Variants in VPS13B observed in about 807,000 individuals in gnomAD.
The protein encoded by VPS13B is intermembrane lipid transfer protein VPS13B.
A neutral mutation model predicts 426.4 loss-of-function variants in VPS13B; 285 were observed. That is an observed-to-expected ratio of 0.67 (90% CI 0.61 to 0.74). The LOEUF is 0.74. Ranked by LOEUF, VPS13B falls within the 30% of genes least tolerant of loss-of-function variation. The pLI is 0.00. For synonymous variants in VPS13B, 1,676 were observed against 1,676.4 expected, an observed-to-expected ratio of 1.00 and a Z score of 0.01; for missense variants, 4,537 against 4,782.6, an observed-to-expected ratio of 0.95 and a Z score of 1.51.
intron 25 of VPS13B, among the ~76,000 whole-genome samples, chr8:99,486,176 C>G (rs1820298441): frequency 6.6e-6 from 1 of 151,540 alleles, no homozygotes; most frequent in African/African-American, 2.4e-5. Context: ...TTTGTCTTAT[C>G]ATATAAGTAG....
chr8:99,702,991 TTA>T (rs1253167775), intron 36 of VPS13B, among the ~76,000 whole-genome samples: 1 of 152,142 alleles, frequency 6.6e-6, no homozygotes, highest in Non-Finnish European at 1.5e-5. Flanking sequence ...CACCTAATGA[TTA>T]TATGTTTTTA....
At chr8:99,565,308 T>C (rs1437167713) in intron 31 of VPS13B, among the ~76,000 whole-genome samples, 1 of 152,118 alleles carries the variant, frequency 6.6e-6, no homozygotes, top group African/African-American at 2.4e-5. Flanking sequence ...TACAGCATAT[T>C]TGTTTGTTAA....
At chr8:99,712,974 T>G (rs961596638) in intron 36 of VPS13B, among the ~76,000 whole-genome samples, 5 of 152,170 alleles carry the variant, frequency 3.3e-5, no homozygotes, top group African/African-American at 1.2e-4. Flanking sequence ...ACTTTGCAAG[T>G]GATATGCATC....
At chr8:99,311,321 C>T (rs970531204) in intron 19 of VPS13B, among the ~76,000 whole-genome samples, 1 of 152,158 alleles carries the variant, frequency 6.6e-6, no homozygotes, top group African/African-American at 2.4e-5. Flanking sequence ...CTATAAATTT[C>T]CCTCTACACA....
At chr8:99,314,245 G>T (rs181463896) in intron 19 of VPS13B, among the ~76,000 whole-genome samples, 10 of 152,024 alleles carry the variant, frequency 6.6e-5, no homozygotes, top group African/African-American at 2.2e-4. Flanking sequence ...GAAATCACCC[G>T]TCTTCTGCGT....
intron 15 of VPS13B, among the ~76,000 whole-genome samples, chr8:99,167,787 T>C (rs1812097528): frequency 1.3e-5 from 2 of 152,148 alleles, no homozygotes; most frequent in Non-Finnish European, 2.9e-5. Flanking sequence ...AGTTCTCTTA[T>C]TCAACTTTAC....
At chr8:99,475,515 A>G (rs1819644627) in intron 24 of VPS13B, among the ~76,000 whole-genome samples, 1 of 152,178 alleles carries the variant, frequency 6.6e-6, no homozygotes, top group African/African-American at 2.4e-5. Flanking sequence ...ATATTTTTAA[A>G]ATTTTCTTTA....
chr8:99,539,259 C>G (rs1823423378), intron 30 of VPS13B, among the ~76,000 whole-genome samples: 2 of 152,082 alleles, frequency 1.3e-5, no homozygotes, highest in East Asian at 3.9e-4. Flanking sequence ...TCTGCACATT[C>G]TTTTGCATTA....
intron 35 of VPS13B, among the ~76,000 whole-genome samples, chr8:99,698,402 G>GC (rs1832122694): frequency 6.6e-6 from 1 of 152,142 alleles, no homozygotes; most frequent in African/African-American, 2.4e-5. Context: ...TGTCAGCTGC[G>GC]CCCACCCTCA....
intron 35 of VPS13B, among the ~76,000 whole-genome samples, chr8:99,679,026 G>C (rs1831052573): frequency 6.6e-6 from 1 of 152,136 alleles, no homozygotes; most frequent in Admixed American, 6.6e-5. Context: ...AAACCTTGCT[G>C]TTTTCTTAGT....
At chr8:99,055,044 G>GTTTTTTTTTTTTTTT (rs397779213) in intron 3 of VPS13B, among the ~76,000 whole-genome samples, 1 of 141,882 alleles carries the variant, frequency 7.0e-6, no homozygotes, top group Non-Finnish European at 1.5e-5. Context: ...TTTTTTTTTT[G>GTTTTTTTTTTTTTTT]TTTTTTTTTT....
intron 3 of VPS13B, among the ~76,000 whole-genome samples, chr8:99,094,237 T>G (rs1425007562): frequency 6.6e-6 from 1 of 152,184 alleles, no homozygotes; most frequent in East Asian, 1.9e-4. Flanking sequence ...ATGAACATGT[T>G]TTACTTCTGG....
In VPS13B at chr8:99,815,930, C is replaced by T. The variant is rs553066578; in HGVS notation, c.8098-1610C>T. 5.9e-5 allele frequency among the ~76,000 whole-genome samples: 9 copies of T among 152,268 alleles called. No homozygotes were observed. The South Asian group carries it at 1.9e-3, about 32-fold the overall frequency. ...CACTGCAGCCTTGAACTCCTGGGCT[C>T]GAGTGATACTCCTGCCTCAGCCTCC... On this transcript the variant is annotated intron_variant, in intron 44 of 61. Coordinates refer to ENST00000357162, the MANE Select transcript of VPS13B (RefSeq NM_152564.5).
At chr8:99,550,516 A>G (rs984514887) in intron 30 of VPS13B, among the ~76,000 whole-genome samples, 2 of 151,224 alleles carry the variant, frequency 1.3e-5, no homozygotes, top group African/African-American at 2.4e-5. Flanking sequence ...TGCGAATAGT[A>G]TATTTTGCCT....
intron 33 of VPS13B, among the ~76,000 whole-genome samples, chr8:99,616,177 C>T (rs1257633408): frequency 3.3e-5 from 5 of 152,038 alleles, no homozygotes; most frequent in South Asian, 4.2e-4. Context: ...ACCATTTTGG[C>T]AGGGAGAGGG....
intron 17 of VPS13B, among the ~76,000 whole-genome samples, chr8:99,205,412 G>A (rs1335210680): frequency 6.6e-6 from 1 of 152,140 alleles, no homozygotes; most frequent in African/African-American, 2.4e-5. Flanking sequence ...TAGATGACGG[G>A]TTGATGGGTG....
chr8:99,091,760 G>A (rs1431621960), intron 3 of VPS13B: 1 of 152,164 alleles, frequency 6.6e-6, no homozygotes, highest in African/African-American at 2.4e-5. Flanking sequence ...TGTTGTCATT[G>A]TACTTGCTAC....
intron 14 of VPS13B, among the ~76,000 whole-genome samples, chr8:99,149,831 C>T (rs1271529002): frequency 6.6e-6 from 1 of 152,066 alleles, no homozygotes; most frequent in African/African-American, 2.4e-5. Flanking sequence ...GGAGCACAAA[C>T]TCTATTGTGA....
chr8:99,620,433 A>G (rs2133891228), intron 33 of VPS13B, among the ~76,000 whole-genome samples: 1 of 152,258 alleles, frequency 6.6e-6, no homozygotes, highest in East Asian at 1.9e-4. Context: ...CCAAAGTATA[A>G]TGAAATATGT....
Sources: gnomAD v4.1 joint callset for allele counts (sites outside exome capture counted in the v4.1 genomes callset) on GRCh38, gnomAD v4.1.1 for gene constraint, MANE v1.5 for transcripts, NCBI Gene and HGNC (gene_info 2026-07-23, HGNC 2026-07-21) for gene names.